The following ADGRG6 variants were observed in gnomAD, a reference collection of about 807,000 sequenced individuals.
ADGRG6 encodes the protein G-protein coupled receptor 126.
A neutral mutation model predicts 142.4 loss-of-function variants in ADGRG6; 84 were observed. That is an observed-to-expected ratio of 0.59 (90% CI 0.49 to 0.71). ADGRG6 has a LOEUF of 0.71. Among genes scored for constraint, ADGRG6 ranks in the 30% least tolerant of loss-of-function variants. The pLI is 0.00. For missense variants in ADGRG6, 1,367 were observed against 1,466.6 expected (o/e 0.93, Z 1.11); for synonymous variants, 521 against 520.5 (o/e 1.00, Z -0.01).
chr6:142,366,266 T>A (rs1033155365), intron 2 of ADGRG6, among the ~76,000 whole-genome samples: 5 of 152,226 alleles, frequency 3.3e-5, no homozygotes, highest in African/African-American at 9.6e-5. Context: ...ACATTTATTG[T>A]GAACCTTATA....
chr6:142,426,627 G>A (rs928830276), intron 22 of ADGRG6, among the ~76,000 whole-genome samples: 10 of 152,188 alleles, frequency 6.6e-5, no homozygotes, highest in African/African-American at 2.4e-4. Context: ...AGCTCCACTA[G>A]ATGGCACCCC....
At chr6:142,355,279 C>G (rs1780389185) in intron 2 of ADGRG6, among the ~76,000 whole-genome samples, 1 of 151,986 alleles carries the variant, frequency 6.6e-6, no homozygotes, top group Non-Finnish European at 1.5e-5. Flanking sequence ...GGGGCTCAGT[C>G]TTCCCAGCTA....
chr6:142,411,384 C>T lies in ADGRG6; in HGVS notation c.2514C>T (p.Asn838=), dbSNP rs370822329. ...SDASETVCLC[N]HFTHFGVLMD... is the part of the protein sequence containing the mutation. The stretch of plus-strand genomic sequence containing the variant: ...CAAGTGAGACAGTCTGCCTGTGTAA[C>T]CACTTCACACACTTTGGAGTTCTGA... Residue 838 remains asparagine, a synonymous_variant, in exon 18 of 25, where the codon AAC becomes AAT. Transcript: ENST00000367609. The T allele has an allele frequency of 6.3e-7, 1 of 1,594,290 alleles. No individual in the cohort carries two copies.
At chr6:142,360,970 C>T (rs1780684092) in intron 2 of ADGRG6, among the ~76,000 whole-genome samples, 2 of 152,164 alleles carry the variant, frequency 1.3e-5, no homozygotes, top group Admixed American at 6.5e-5. Flanking sequence ...TGCTCTCTAG[C>T]CCCTTAGCTT....
At chr6:142,395,434 T>C (rs531606171) in intron 9 of ADGRG6, among the ~76,000 whole-genome samples, 27 of 152,316 alleles carry the variant, frequency 1.8e-4, no homozygotes, top group Non-Finnish European at 2.9e-4. Flanking sequence ...GCCAATGGTA[T>C]ACCTTCTTCA....
At chr6:142,325,649 T>C (rs1383385412) in intron 2 of ADGRG6, among the ~76,000 whole-genome samples, 1 of 152,128 alleles carries the variant, frequency 6.6e-6, no homozygotes, top group East Asian at 1.9e-4. Flanking sequence ...AAAATACCTG[T>C]AACCATAGCT....
intron 2 of ADGRG6, among the ~76,000 whole-genome samples, chr6:142,320,162 A>G (rs1010081410): frequency 6.6e-6 from 1 of 152,106 alleles, no homozygotes; most frequent in African/African-American, 2.4e-5. Context: ...TTAAGACTCT[A>G]TGCCTTAGAA....
chr6:142,365,592 G>A (rs1246954048), intron 2 of ADGRG6, among the ~76,000 whole-genome samples: 2 of 152,164 alleles, frequency 1.3e-5, no homozygotes, highest in Non-Finnish European at 2.9e-5. Flanking sequence ...GGTGCTCCAG[G>A]GATGGATAAG....
At position 142,397,640 on chromosome 6, in the gene ADGRG6, C is replaced by T; in HGVS notation, c.1452C>T (p.Tyr484=). The part of the protein sequence containing the change: ...PRLVLWALLV[Y]NATNNTNLEG... The stretch of plus-strand genomic sequence containing the variant: ...TGGTGCTTTGGGCCCTTCTAGTTTA[C>T]AATGCTACCAACAATACTAATTTGG... The change falls in exon 10 of 25, where the codon TAC becomes TAT. Residue 484 remains tyrosine, a synonymous_variant. Transcript: ENST00000367609. The T allele has an allele frequency of 6.2e-7, 1 of 1,608,896 alleles. No individual in the cohort carries two copies. The highest frequency in any genetic ancestry group is 8.5e-7 in the Non-Finnish European group (1 of 1,177,214).
rs9496337 is a variant in ADGRG6 at position 142,324,811 on chromosome 6, G to A, written c.103+15167G>A. 4.9e-3 allele frequency among the ~76,000 whole-genome samples: 743 copies of A among 152,026 alleles called. 10 individuals carry two copies. The highest frequency in any genetic ancestry group is 0.017 in the African/African-American group (705 of 41,482). ...AATATGTTTCTATTTTTCCCTTATT[G>A]TTAGTGCCTACAGGTAGGGAGTATA... is the stretch of plus-strand genomic sequence containing the variant. On this transcript the variant is annotated intron_variant, in intron 2 of 24. Coordinates refer to ENST00000367609, the MANE Select transcript of ADGRG6 (RefSeq NM_198569.3).
intron 17 of ADGRG6, among the ~76,000 whole-genome samples, chr6:142,410,636 A>G (rs967776800): frequency 6.6e-6 from 1 of 152,086 alleles, no homozygotes; most frequent in Non-Finnish European, 1.5e-5. Flanking sequence ...TCTTTTTTTG[A>G]TAGTTCTTGT....
chr6:142,419,570 A>G (rs1047386489), intron 21 of ADGRG6, among the ~76,000 whole-genome samples: 9 of 152,280 alleles, frequency 5.9e-5, no homozygotes, highest in African/African-American at 1.9e-4. Flanking sequence ...CAACTCAGAA[A>G]TCAGGAAGCA....
At position 142,420,025 on chromosome 6, in the gene ADGRG6, A is replaced by G. The variant is rs760759573; in HGVS notation, c.3240A>G (p.Thr1080=). ...VVSLTFLLGM[T]WGFAFFAWGP... ...GCTTGACCTTTCTGTTGGGCATGACATGGGGTTTTGCATTCTTTGCCTGGG... is the reference window on the plus strand; with the variant it reads ...GCTTGACCTTTCTGTTGGGCATGACGTGGGGTTTTGCATTCTTTGCCTGGG... The change falls in exon 22 of 25, where the codon ACA becomes ACG. Residue 1080 remains threonine, a synonymous_variant. Transcript: ENST00000367609. 1.9e-6 allele frequency: 3 copies of G among 1,613,520 alleles called. No homozygotes were observed. Among genetic ancestry groups the G allele is most frequent in the Admixed American group, 1.7e-5 (1 of 59,962 alleles).
Position 142,397,742 on chromosome 6 carries a change from T to C in ADGRG6, c.1554T>C (p.Asn518=). 6.3e-7 allele frequency: 1 copy of C among 1,576,124 alleles called. No homozygotes were observed. The highest frequency in any genetic ancestry group is 8.6e-7 in the Non-Finnish European group (1 of 1,166,196). Residue 518 remains asparagine (N), a synonymous_variant, in exon 10 of 25, where the codon AAT becomes AAC. Transcript: ENST00000367609. Reference sequence around the variant, plus strand: ...AAGGCTTGAGGCTACATACAGTGAATGTGAGACAACTGGGTAAGTGACTAA... The same window carrying C: ...AAGGCTTGAGGCTACATACAGTGAACGTGAGACAACTGGGTAAGTGACTAA... ...LDEGLRLHTV[N]VRQLGHCLAM...
At chr6:142,336,705 C>T (rs1403971579) in intron 2 of ADGRG6, among the ~76,000 whole-genome samples, 1 of 152,142 alleles carries the variant, frequency 6.6e-6, no homozygotes, top group Non-Finnish European at 1.5e-5. Context: ...ATAGATAACA[C>T]ACACATGCAT....
chr6:142,303,877 G>C (rs1177261655), intron 1 of ADGRG6, among the ~76,000 whole-genome samples: 1 of 152,134 alleles, frequency 6.6e-6, no homozygotes, highest in African/African-American at 2.4e-5. Flanking sequence ...AAGTTATATA[G>C]TCCATTTGAA....
At chr6:142,315,219 A>C (rs777370131) in intron 2 of ADGRG6, among the ~76,000 whole-genome samples, 2 of 152,130 alleles carry the variant, frequency 1.3e-5, no homozygotes, top group African/African-American at 4.8e-5. Context: ...ATTGTCTAAC[A>C]CTTTTAAATT....
chr6:142,412,027 T>C lies in ADGRG6; in HGVS notation c.2541+616T>C, dbSNP rs80330888. ...CTCTATATCATTCTTTCCTTCCTTC[T>C]TCCATGCCCCTGTTTTATCTTATTA... On this transcript the variant is annotated intron_variant, in intron 18 of 24. Transcript: ENST00000367609. Among the ~76,000 whole-genome samples, 500 of 152,262 alleles carry C rather than the reference T, an allele frequency of 3.3e-3. 2 individuals are homozygous for C. Among genetic ancestry groups the C allele is most frequent in the African/African-American group, 0.011 (463 of 41,562 alleles).
intron 19 of ADGRG6, 94 bp downstream of exon 19, chr6:142,415,190 A>T: frequency 1.2e-6 from 1 of 813,344 alleles, no homozygotes; most frequent in East Asian, 2.8e-5. Flanking sequence ...TATACACTGT[A>T]GGGTGGTTGA....
Sources: gnomAD v4.1 joint callset for allele counts (sites outside exome capture counted in the v4.1 genomes callset) on GRCh38, gnomAD v4.1.1 for gene constraint, MANE v1.5 for transcripts, NCBI Gene and HGNC (gene_info 2026-07-23, HGNC 2026-07-21) for gene names.